Variants in INTS6L observed in about 807,000 individuals in gnomAD.
The protein encoded by INTS6L is integrator complex subunit 6-like.
A neutral mutation model predicts 64.7 loss-of-function variants in INTS6L; 18 were observed. The observed-to-expected ratio is 0.28, with a 90% CI of 0.19 to 0.41. The LOEUF is 0.41. Ranked by LOEUF, INTS6L falls within the 10% of genes least tolerant of loss-of-function variation. The pLI is 1.00. For synonymous variants in INTS6L, 227 were observed against 235.9 expected (o/e 0.96, Z 0.34); for missense variants, 533 against 661.0 (o/e 0.81, Z 2.12).
chrX:135,535,147 G>GA (rs1330320580), intron 2 of INTS6L, among the ~76,000 whole-genome samples: 1 of 111,567 alleles, frequency 9.0e-6, no homozygotes, highest in African/African-American at 3.3e-5. Context: ...GTCAGGGTCA[G>GA]AAAATATAAG....
chrX:135,570,455 G>C lies in INTS6L; in HGVS notation c.1307G>C (p.Arg436Thr), dbSNP rs1556527031. ...TTATAGCCATTAAAGAAAGCACTAAGGATGATGGGAGCTCCAAATCTGATA... is the reference window on the plus strand; with the variant it reads ...TTATAGCCATTAAAGAAAGCACTAACGATGATGGGAGCTCCAAATCTGATA... ...YYLLPLKKAL[R>T]MMGAPNLISD... Residue 436 changes from arginine (R) to threonine (T), a missense_variant, in exon 11 of 18, where the codon AGG (arginine) becomes ACG (threonine). Arg to Thr is a moderately conservative substitution (Grantham distance 71). Transcript: ENST00000639893. 1.7e-6 allele frequency: 2 copies of C among 1,150,466 alleles called. No individual in the cohort carries two copies. The highest frequency in any genetic ancestry group is 2.3e-6 in the Non-Finnish European group (2 of 868,702). 94.8% of individuals were successfully genotyped at this position (1,150,466 alleles called of 1,213,427 possible).
At chrX:135,581,376 A>G in intron 17 of INTS6L, 152 bp from the exon 18 acceptor site, 5 of 493,575 alleles carry the variant, frequency 1.0e-5, no homozygotes, top group Non-Finnish European at 1.7e-5. Context: ...AATTGCCACT[A>G]TTGGTACTTG....
chrX:135,573,279 T>A (rs1037615557), intron 12 of INTS6L, among the ~76,000 whole-genome samples: 36 of 112,308 alleles, frequency 3.2e-4, no homozygotes, highest in African/African-American at 1.2e-3. Flanking sequence ...GCTTCCAAGC[T>A]ACAAAGCTGG....
chrX:135,560,284 C>G (rs1359998332), intron 9 of INTS6L, among the ~76,000 whole-genome samples: 1 of 112,126 alleles, frequency 8.9e-6, no homozygotes, highest in Admixed American at 9.4e-5. Context: ...TTACTGAGCT[C>G]ACTTATTAGT....
chrX:135,581,448 AT>A, intron 17 of INTS6L, 79 bp from the exon 18 acceptor site: 1 of 736,530 alleles, frequency 1.4e-6, no homozygotes, highest in South Asian at 2.6e-5. Context: ...GTAAGCTTCG[AT>A]TTGTATCCCA....
Position 135,560,743 on chromosome X carries a change from C to T in INTS6L, c.1192+4443C>T, listed in dbSNP as rs186622916. On this transcript the variant is annotated intron_variant, in intron 9 of 17. Coordinates refer to ENST00000639893, the MANE Select transcript of INTS6L (RefSeq NM_001351601.3). ...CCTGTAGTCCCAGCTACTTGGGAGG[C>T]TGAGGCGGGAGAATCACTCGAACCC... Among the ~76,000 whole-genome samples, 25 of 108,888 alleles carry T rather than the reference C, an allele frequency of 2.3e-4. No individual in the cohort carries two copies. The East Asian group carries it at 6.6e-3, about 29-fold the overall frequency. The allele number at this position is 108,888 out of a possible 115,157, so 94.6% of individuals were successfully genotyped here.
intron 2 of INTS6L, among the ~76,000 whole-genome samples, chrX:135,522,431 A>G (rs1021318322): frequency 2.7e-5 from 3 of 112,408 alleles, no homozygotes; most frequent in Non-Finnish European, 5.6e-5. Context: ...GTGAGGAGAT[A>G]AAGAACTGCT....
intron 2 of INTS6L, among the ~76,000 whole-genome samples, chrX:135,538,860 A>C (rs1326064910): frequency 8.9e-6 from 1 of 112,207 alleles, no homozygotes; most frequent in Non-Finnish European, 1.9e-5. Flanking sequence ...GTCGATGATC[A>C]ATAGTATTTT....
At chrX:135,526,850 TG>T (rs1303341840) in intron 2 of INTS6L, among the ~76,000 whole-genome samples, 1 of 111,796 alleles carries the variant, frequency 8.9e-6, no homozygotes, top group Non-Finnish European at 1.9e-5. Flanking sequence ...ATTTCCCTCA[TG>T]TCAAAGCTTA....
At chrX:135,532,342 G>A (rs1371183986) in intron 2 of INTS6L, among the ~76,000 whole-genome samples, 15 of 112,597 alleles carry the variant, frequency 1.3e-4, no homozygotes, top group African/African-American at 4.5e-4. Flanking sequence ...AATAGCTTAC[G>A]TAGGTGCGTA....
chrX:135,579,392 T>C (rs1435165158), intron 15 of INTS6L, among the ~76,000 whole-genome samples: 8 of 112,115 alleles, frequency 7.1e-5, no homozygotes, highest in African/African-American at 2.6e-4. Context: ...AGGAGGCAGG[T>C]TGTGGTGTAT....
At chrX:135,546,083 C>G (rs2086347146) in intron 3 of INTS6L, among the ~76,000 whole-genome samples, 1 of 111,830 alleles carries the variant, frequency 8.9e-6, no homozygotes, top group African/African-American at 3.3e-5. Context: ...GATGATAATG[C>G]CAGTAATCTT....
chrX:135,582,138 C>T lies in INTS6L; in HGVS notation c.*502C>T, dbSNP rs1245717039. On this transcript the variant is annotated 3_prime_UTR_variant, in exon 18 of 18. Coordinates refer to ENST00000639893, the MANE Select transcript of INTS6L (RefSeq NM_001351601.3). Reference sequence around the variant, plus strand: ...ATGCAATATTCAGGATAGTTTGAATCAAAGAAGTAAGAAGCTGCTATTTGG... The same window carrying T: ...ATGCAATATTCAGGATAGTTTGAATTAAAGAAGTAAGAAGCTGCTATTTGG... 8.8e-6 allele frequency: 1 copy of T among 113,096 alleles called. No homozygotes were observed. The highest frequency in any genetic ancestry group is 1.9e-5 in the Non-Finnish European group (1 of 53,668). 9.3% of individuals were successfully genotyped at this position (113,096 alleles called of 1,213,427 possible). A position where few individuals can be genotyped will look rare whatever the true frequency, so the allele number is the denominator to read the frequency against.
chrX:135,530,064 C>G (rs1374618304), intron 2 of INTS6L, among the ~76,000 whole-genome samples: 2 of 111,964 alleles, frequency 1.8e-5, no homozygotes, highest in Non-Finnish European at 3.8e-5. Flanking sequence ...TAACTTCTCA[C>G]TGGTATTTTC....
intron 2 of INTS6L, among the ~76,000 whole-genome samples, chrX:135,523,455 A>G (rs1413734649): frequency 1.8e-5 from 2 of 108,827 alleles, no homozygotes; most frequent in Non-Finnish European, 3.8e-5. Context: ...ATTTTTCCAT[A>G]TGCCAAGAAG....
At chrX:135,538,026 T>C (rs1556509988) in intron 2 of INTS6L, among the ~76,000 whole-genome samples, 1 of 112,719 alleles carries the variant, frequency 8.9e-6, no homozygotes, top group African/African-American at 3.2e-5. Context: ...TGATGGCTGC[T>C]GAGTGATCAG....
At chrX:135,561,306 T>A (rs2086784490) in intron 9 of INTS6L, among the ~76,000 whole-genome samples, 1 of 112,021 alleles carries the variant, frequency 8.9e-6, no homozygotes, top group African/African-American at 3.2e-5. Context: ...TCTTCTTTAG[T>A]CTGTTAAGTA....
At chrX:135,551,187 A>C (rs1426255585) in intron 7 of INTS6L, among the ~76,000 whole-genome samples, 5 of 112,401 alleles carry the variant, frequency 4.4e-5, no homozygotes. Context: ...CAGGTTTCGC[A>C]ACAAGAATAG....
At chrX:135,542,569 A>G (rs2086254117) in intron 2 of INTS6L, among the ~76,000 whole-genome samples, 1 of 110,538 alleles carries the variant, frequency 9.0e-6, no homozygotes, top group African/African-American at 3.3e-5. Context: ...GAAGGAAGGA[A>G]GGAAGGAAAC....
Sources: gnomAD v4.1 joint callset for allele counts (sites outside exome capture counted in the v4.1 genomes callset) on GRCh38, gnomAD v4.1.1 for gene constraint, MANE v1.5 for transcripts, NCBI Gene and HGNC (gene_info 2026-07-23, HGNC 2026-07-21) for gene names.